Variants in MAGI1 observed in about 807,000 individuals in gnomAD.
The protein encoded by MAGI1 is membrane associated guanylate kinase, WW and PDZ domain containing 1, also known as membrane-associated guanylate kinase, WW and PDZ domain-containing protein 1.
In MAGI1, 58 loss-of-function variants were observed where a neutral mutation model predicts 139.9. The observed-to-expected ratio is 0.41, with a 90% confidence interval of 0.34 to 0.52. The LOEUF is 0.52. Ranked by LOEUF, MAGI1 falls within the 20% of genes least tolerant of loss-of-function variation. The pLI is 0.12. For synonymous variants in MAGI1, 812 were observed against 737.9 expected (o/e 1.10, Z -1.63); for missense variants, 1,874 against 1,901.6 (o/e 0.99, Z 0.27).
intron 1 of MAGI1, among the ~76,000 whole-genome samples, chr3:66,018,066 T>G (rs2067748163): frequency 7.5e-6 from 1 of 134,084 alleles, no homozygotes; most frequent in African/African-American, 2.6e-5. Context: ...GTGGTTGTGC[T>G]TCATGAACAC....
chr3:65,885,937 C>G (rs2108548806), intron 1 of MAGI1, among the ~76,000 whole-genome samples: 1 of 152,284 alleles, frequency 6.6e-6, no homozygotes, highest in African/African-American at 2.4e-5. Flanking sequence ...CACACATATA[C>G]ACTCATACTA....
intron 20 of MAGI1, 51 bp from the exon 21 acceptor site, chr3:65,363,659 G>A (rs745883091): frequency 6.5e-7 from 1 of 1,529,674 alleles, no homozygotes; most frequent in Non-Finnish European, 8.9e-7. Flanking sequence ...ATATCCATAG[G>A]ACTCTTCCTA....
rs114160794 is a variant in MAGI1, at chr3:65,817,057, T to C, written c.314-194969A>G. ...GGACATAAATTGCAATTCATAAAAATTACCAATATGTCTCACTTTTATTTC... is the reference window on the plus strand; with the variant it reads ...GGACATAAATTGCAATTCATAAAAACTACCAATATGTCTCACTTTTATTTC... On this transcript the variant is annotated intron_variant, in intron 1 of 22. Transcript: ENST00000402939. Among the ~76,000 whole-genome samples the C allele has an allele frequency of 7.5e-3, 1,140 of 152,284 alleles. 25 individuals are homozygous for C. Among genetic ancestry groups the C allele is most frequent in the African/African-American group, 0.026 (1,080 of 41,548 alleles).
At chr3:65,723,227 AC>A (rs2033243238) in intron 1 of MAGI1, among the ~76,000 whole-genome samples, 1 of 152,202 alleles carries the variant, frequency 6.6e-6, no homozygotes, top group African/African-American at 2.4e-5. Flanking sequence ...CCCTTGTGGC[AC>A]TGTGGGTACA....
chr3:65,626,145 T>A (rs2083957655), intron 1 of MAGI1, among the ~76,000 whole-genome samples: 1 of 152,192 alleles, frequency 6.6e-6, no homozygotes, highest in Non-Finnish European at 1.5e-5. Flanking sequence ...CATTTATCAT[T>A]TGAGCCACGG....
intron 1 of MAGI1, among the ~76,000 whole-genome samples, chr3:65,988,206 C>A (rs1380056352): frequency 6.6e-6 from 1 of 152,202 alleles, no homozygotes; most frequent in African/African-American, 2.4e-5. Flanking sequence ...CAAATCTACA[C>A]TTGTCCCGAA....
At position 66,038,195 on chromosome 3, in the gene MAGI1, G is replaced by A. The variant is rs947857873; in HGVS notation, c.114C>T (p.His38=). ...LGVTVLGGAE[H]GEFPYVGAVA... is the part of the protein sequence containing the mutation. ...CCGCTCCGACGTACGGAAACTCCCC[G>A]TGCTCCGCGCCTCCCAGCACCGTCA... Residue 38 remains histidine, a synonymous_variant, in exon 1 of 23, where the codon CAC becomes CAT. Coordinates refer to ENST00000402939, the MANE Select transcript of MAGI1 (RefSeq NM_001033057.2). 6.2e-7 allele frequency: 1 copy of A among 1,612,114 alleles called. No individual in the cohort carries two copies. The highest frequency in any genetic ancestry group is 8.5e-7 in the Non-Finnish European group (1 of 1,179,748).
At chr3:65,692,149 G>T (rs942288032) in intron 1 of MAGI1, among the ~76,000 whole-genome samples, 10 of 152,018 alleles carry the variant, frequency 6.6e-5, no homozygotes, top group African/African-American at 2.4e-4. Flanking sequence ...TAGATCAGAT[G>T]TTCTAACTTA....
At chr3:65,737,687 G>C (rs1035068540) in intron 1 of MAGI1, among the ~76,000 whole-genome samples, 1 of 151,998 alleles carries the variant, frequency 6.6e-6, no homozygotes, top group Non-Finnish European at 1.5e-5. Context: ...AGGTGGCTGG[G>C]GTCAAACCAC....
rs939229817 is a variant in MAGI1, at chr3:65,729,532, C to G, written c.314-107444G>C. Among the ~76,000 whole-genome samples the G allele has an allele frequency of 6.6e-5, 10 of 152,144 alleles. 1 individual carries two copies. The highest frequency in any genetic ancestry group is 1.5e-5 in the Non-Finnish European group (1 of 68,026). The stretch of plus-strand genomic sequence containing the variant: ...AATGTCTAAGTGGACTAACTTCCAG[C>G]CAAAGGTTTAGAAACAACACTGAAT... On this transcript the variant is annotated intron_variant, in intron 1 of 22. Transcript: ENST00000402939.
intron 1 of MAGI1, among the ~76,000 whole-genome samples, chr3:65,669,953 T>C (rs529443811): frequency 6.6e-6 from 1 of 152,318 alleles, no homozygotes; most frequent in East Asian, 1.9e-4. Flanking sequence ...GTGGGCTTCA[T>C]CTTCAACATC....
intron 1 of MAGI1, among the ~76,000 whole-genome samples, chr3:65,869,935 T>C (rs141363879): frequency 6.6e-6 from 1 of 151,806 alleles, no homozygotes; most frequent in Non-Finnish European, 1.5e-5. Context: ...AAGCGTTCAG[T>C]GCATCTCTCC....
intron 1 of MAGI1, among the ~76,000 whole-genome samples, chr3:65,940,650 C>T (rs767800385): frequency 1.2e-4 from 18 of 152,214 alleles, no homozygotes; most frequent in Non-Finnish European, 2.1e-4. Flanking sequence ...CAGTCTATAA[C>T]ACGGGTCCCA....
At chr3:65,534,501 A>T (rs554179201) in intron 2 of MAGI1, among the ~76,000 whole-genome samples, 1 of 152,142 alleles carries the variant, frequency 6.6e-6, no homozygotes, top group African/African-American at 2.4e-5. Flanking sequence ...AAAAAAGAAA[A>T]AAAGAGTGTG....
chr3:65,675,169 C>T (rs1001039866), intron 1 of MAGI1, among the ~76,000 whole-genome samples: 2 of 152,026 alleles, frequency 1.3e-5, no homozygotes, highest in East Asian at 3.9e-4. Flanking sequence ...ATTCATGAGG[C>T]CAAATGAAAA....
intron 1 of MAGI1, among the ~76,000 whole-genome samples, chr3:65,981,400 T>C (rs1385778690): frequency 6.6e-6 from 1 of 152,180 alleles, no homozygotes; most frequent in Non-Finnish European, 1.5e-5. Context: ...AGCATAACTT[T>C]GGAGTTATGC....
chr3:65,447,965 C>T (rs1948776227), intron 7 of MAGI1, 57 bp downstream of exon 7: 1 of 1,588,166 alleles, frequency 6.3e-7, no homozygotes, highest in Non-Finnish European at 8.6e-7. Context: ...GGGAAGAAAA[C>T]CATGCAGGCC....
intron 2 of MAGI1, among the ~76,000 whole-genome samples, chr3:65,531,147 C>A (rs2078694514): frequency 6.6e-6 from 1 of 151,646 alleles, no homozygotes. Flanking sequence ...ACATTAAATT[C>A]TCTCAGGACA....
chr3:65,401,041 A>C (rs770867550), intron 13 of MAGI1, among the ~76,000 whole-genome samples: 1 of 152,094 alleles, frequency 6.6e-6, no homozygotes, highest in East Asian at 1.9e-4. Context: ...TGGGAACACC[A>C]GTTGAGAGCA....
Sources: allele counts gnomAD v4.1 joint callset (sites outside exome capture counted in the v4.1 genomes callset), GRCh38; gene constraint gnomAD v4.1.1; transcripts MANE v1.5; gene names NCBI Gene and HGNC (gene_info 2026-07-23, HGNC 2026-07-21).